The following ADGRB3 variants were observed in gnomAD, a reference collection of about 807,000 sequenced individuals.
ADGRB3 encodes the protein brain-specific angiogenesis inhibitor 3.
A neutral mutation model predicts 193.4 loss-of-function variants in ADGRB3; 37 were observed. The ratio of observed to expected loss-of-function variants is 0.19; its 90% confidence interval spans 0.15 to 0.25. The LOEUF (loss-of-function observed/expected upper bound fraction) is 0.25. ADGRB3 is among the 10% of genes least tolerant of loss of function. ADGRB3 has a pLI of 1.00. For missense variants in ADGRB3, 1,637 were observed against 1,852.9 expected (o/e 0.88, Z 2.14); for synonymous variants, 690 against 644.2 (o/e 1.07, Z -1.08).
At chr6:69,233,079 C>G in intron 17 of ADGRB3, 1 of 642,006 alleles carries the variant, frequency 1.6e-6, no homozygotes, top group Non-Finnish European at 2.5e-6. Context: ...CTCTGCACGC[C>G]GCACCGCCGC....
intron 17 of ADGRB3, among the ~76,000 whole-genome samples, chr6:69,167,465 G>A (rs924994004): frequency 3.3e-5 from 5 of 152,034 alleles, no homozygotes; most frequent in Admixed American, 6.6e-5. Flanking sequence ...CCATGCCTCC[G>A]TTCCTCTAAC....
intron 16 of ADGRB3, among the ~76,000 whole-genome samples, chr6:69,065,039 T>C (rs1444977573): frequency 1.3e-5 from 2 of 152,194 alleles, no homozygotes; most frequent in African/African-American, 4.8e-5. Flanking sequence ...CACCAGCTAG[T>C]ACTGGAATGA....
At chr6:69,146,220 G>C (rs1454978444) in intron 17 of ADGRB3, among the ~76,000 whole-genome samples, 1 of 152,192 alleles carries the variant, frequency 6.6e-6, no homozygotes, top group Non-Finnish European at 1.5e-5. Flanking sequence ...GTCTGGAGGG[G>C]TCTAAATTGG....
intron 16 of ADGRB3, among the ~76,000 whole-genome samples, chr6:69,068,718 C>T (rs142614308): frequency 6.6e-6 from 1 of 152,178 alleles, no homozygotes; most frequent in Non-Finnish European, 1.5e-5. Context: ...GCTGTCATCA[C>T]ATCTATAAAA....
chr6:69,000,031 A>G (rs1480611053), intron 11 of ADGRB3, among the ~76,000 whole-genome samples: 2 of 152,138 alleles, frequency 1.3e-5, no homozygotes, highest in Non-Finnish European at 2.9e-5. Flanking sequence ...ATCTTATTCT[A>G]TCAGTAGAGG....
intron 14 of ADGRB3, 112 bp downstream of exon 14, chr6:69,048,446 C>A: frequency 2.7e-6 from 3 of 1,114,958 alleles, no homozygotes; most frequent in Non-Finnish European, 3.7e-6. Context: ...AGTCTGTAAT[C>A]ATTATTTTAA....
At chr6:69,108,194 C>T (rs75015641) in intron 17 of ADGRB3, among the ~76,000 whole-genome samples, 5 of 117,684 alleles carry the variant, frequency 4.2e-5, no homozygotes, top group East Asian at 1.9e-3. Flanking sequence ...AATTTGGCCA[C>T]GAGACTTCTT....
intron 17 of ADGRB3, among the ~76,000 whole-genome samples, chr6:69,136,600 A>C (rs879879194): frequency 6.7e-6 from 1 of 150,366 alleles, no homozygotes. Flanking sequence ...AATCGCCTTC[A>C]TGGTTGTTTT....
chr6:68,865,506 C>T (rs1765272206), intron 3 of ADGRB3, among the ~76,000 whole-genome samples: 1 of 152,140 alleles, frequency 6.6e-6, no homozygotes, highest in Non-Finnish European at 1.5e-5. Flanking sequence ...GTGGGATCTT[C>T]CTGCTCAGTT....
At chr6:68,999,017 C>T (rs879542005) in intron 11 of ADGRB3, among the ~76,000 whole-genome samples, 1 of 152,108 alleles carries the variant, frequency 6.6e-6, no homozygotes, top group Non-Finnish European at 1.5e-5. Flanking sequence ...ATACCTGTGA[C>T]AATACTAAGC....
At chr6:68,885,693 A>T (rs893767130) in intron 3 of ADGRB3, among the ~76,000 whole-genome samples, 2 of 152,160 alleles carry the variant, frequency 1.3e-5, no homozygotes, top group African/African-American at 2.4e-5. Flanking sequence ...AAGGGGAGAT[A>T]TTGATCAAAG....
In ADGRB3 at chr6:68,930,579, C is replaced by G. The variant is rs1767310480; in HGVS notation, c.778C>G (p.His260Asp). Residue 260 changes from histidine (H) to aspartate (D), a missense_variant, in exon 4 of 32, where the codon CAT becomes GAT. Around this residue, in one of 7 missense-constraint regions of ADGRB3, gnomAD observed 365 missense variants for 409.8 expected, o/e 0.89. Coordinates refer to ENST00000370598, the MANE Select transcript of ADGRB3 (RefSeq NM_001704.3). ...PKEEFGMMGDHTIKSQRPRSV... is the reference protein window; with the variant it reads ...PKEEFGMMGDDTIKSQRPRSV... ...TTTAGAATTTGGAATGATGGGAGAT[C>G]ATACAATTAAAAGTCAGCGACCTCG... The G allele has an allele frequency of 4.3e-6, 7 of 1,611,094 alleles. No individual in the cohort carries two copies. Among genetic ancestry groups the G allele is most frequent in the Non-Finnish European group, 5.9e-6 (7 of 1,178,346 alleles).
chr6:69,385,841 A>G (rs1361187860), intron 31 of ADGRB3, among the ~76,000 whole-genome samples: 1 of 152,058 alleles, frequency 6.6e-6, no homozygotes, highest in Non-Finnish European at 1.5e-5. Flanking sequence ...TACACTTTTC[A>G]GTATGAGAGT....
At chr6:68,975,485 G>A (rs1021346339) in intron 10 of ADGRB3, 145 bp downstream of exon 10, 29 of 617,790 alleles carry the variant, frequency 4.7e-5, no homozygotes, top group Non-Finnish European at 7.3e-5. Context: ...GTGATAGAAA[G>A]CTAATTTTTA....
At chr6:68,671,204 G>A (rs1280044373) in intron 3 of ADGRB3, among the ~76,000 whole-genome samples, 2 of 151,872 alleles carry the variant, frequency 1.3e-5, no homozygotes, top group African/African-American at 2.4e-5. Flanking sequence ...CTGTAAACAT[G>A]GATAATTTGA....
intron 17 of ADGRB3, among the ~76,000 whole-genome samples, chr6:69,145,426 G>A (rs1365873431): frequency 1.3e-5 from 2 of 152,174 alleles, no homozygotes; most frequent in Admixed American, 1.3e-4. Flanking sequence ...CCCCCAAAGG[G>A]GTGTCACAGC....
intron 3 of ADGRB3, among the ~76,000 whole-genome samples, chr6:68,881,608 C>G (rs1460547222): frequency 6.6e-6 from 1 of 152,048 alleles, no homozygotes; most frequent in African/African-American, 2.4e-5. Context: ...GCCAACCATT[C>G]AAGCCAAAGA....
intron 3 of ADGRB3, among the ~76,000 whole-genome samples, chr6:68,745,229 T>A (rs922766606): frequency 1.3e-5 from 2 of 152,174 alleles, no homozygotes; most frequent in African/African-American, 4.8e-5. Flanking sequence ...ATAAACAAAT[T>A]GTGGTGTATA....
intron 29 of ADGRB3, among the ~76,000 whole-genome samples, chr6:69,371,616 C>T (rs1165691814): frequency 6.6e-6 from 1 of 152,018 alleles, no homozygotes. Flanking sequence ...ATACTAATAT[C>T]ATGAAAATCA....
Sources: allele counts gnomAD v4.1 joint callset (sites outside exome capture counted in the v4.1 genomes callset), GRCh38; gene constraint gnomAD v4.1.1; regional missense constraint gnomAD v4.1.1; transcripts MANE v1.5; gene names NCBI Gene and HGNC (gene_info 2026-07-23, HGNC 2026-07-21).